PDE12: variants seen among roughly 807,000 people sequenced by gnomAD.
PDE12 encodes the protein phosphodiesterase 12.
PDE12 carries 26 observed loss-of-function variants against 45.4 expected under a neutral mutation model. The observed-to-expected ratio is 0.57, with a 90% CI of 0.42 to 0.79. PDE12 has a LOEUF of 0.79. PDE12 is among the 30% of genes least tolerant of loss of function. The pLI is 0.00. For synonymous variants in PDE12, 283 were observed against 323.9 expected (o/e 0.87, Z 1.36); for missense variants, 668 against 790.0 (o/e 0.85, Z 1.85).
In PDE12 at chr3:57,559,682, C is replaced by G. The variant is rs199851844; in HGVS notation, c.1508C>G (p.Thr503Arg). The part of the protein sequence containing the change: ...FCGDFNSTPS[T>R]GMYHFVINGS... ...GGGGACTTTAATAGTACACCATCAACAGGAATGTATCATTTTGTCATCAAT... is the reference window on the plus strand; with the variant it reads ...GGGGACTTTAATAGTACACCATCAAGAGGAATGTATCATTTTGTCATCAAT... The change falls in exon 3 of 3, where the codon ACA becomes AGA. Residue 503 changes from threonine to arginine, a missense_variant. Coordinates refer to ENST00000311180, the MANE Select transcript of PDE12 (RefSeq NM_177966.7). 152 of 1,614,162 alleles carry G rather than the reference C, an allele frequency of 9.4e-5. No individual in the cohort carries two copies. In the East Asian group the frequency reaches 3.3e-3, roughly 35 times the overall value.
At chr3:57,584,039 A>T in the PDE12 span, 1 of 1,374,046 alleles carries the variant, frequency 7.3e-7, no homozygotes, top group South Asian at 1.2e-5. Flanking sequence ...ACCGCTGTGC[A>T]GCGTCATTAA....
the PDE12 span, chr3:57,634,454 A>G: frequency 2.0e-6 from 1 of 488,650 alleles, no homozygotes; most frequent in Non-Finnish European, 3.2e-6. Context: ...AAAAAAAAGG[A>G]GAGATCCTAT....
the PDE12 span, among the ~76,000 whole-genome samples, chr3:57,607,820 A>T: frequency 3.3e-5 from 5 of 152,174 alleles, no homozygotes; most frequent in Non-Finnish European, 5.9e-5. Context: ...TCTAAAGGAT[A>T]TTATCCAGGA....
the PDE12 span, chr3:57,641,532 C>T: frequency 9.5e-5 from 65 of 685,334 alleles, no homozygotes; most frequent in African/African-American, 1.0e-3. Context: ...GGAAATTATA[C>T]CCTTCTCCAA....
the PDE12 span, among the ~76,000 whole-genome samples, chr3:57,637,012 G>A: frequency 4.9e-3 from 740 of 150,850 alleles, 5 homozygotes; most frequent in African/African-American, 0.017. Flanking sequence ...AAATACAGAA[G>A]CATGAACATG....
At chr3:57,652,629 C>A in the PDE12 span, among the ~76,000 whole-genome samples, 3 of 152,110 alleles carry the variant, frequency 2.0e-5, no homozygotes, top group African/African-American at 7.2e-5. Flanking sequence ...CCAAAAATAC[C>A]TAATTACAAA....
At chr3:57,606,094 C>T in the PDE12 span, among the ~76,000 whole-genome samples, 3 of 152,114 alleles carry the variant, frequency 2.0e-5, no homozygotes, top group African/African-American at 4.8e-5. Flanking sequence ...ACCAATGACC[C>T]ACATTTTCCC....
At chr3:57,607,528 T>C in the PDE12 span, among the ~76,000 whole-genome samples, 2 of 151,864 alleles carry the variant, frequency 1.3e-5, no homozygotes, top group Non-Finnish European at 2.9e-5. Context: ...GAATAACCAG[T>C]GTAGAGAAGT....
At chr3:57,629,877 G>GA in the PDE12 span, among the ~76,000 whole-genome samples, 1 of 152,096 alleles carries the variant, frequency 6.6e-6, no homozygotes, top group East Asian at 1.9e-4. Context: ...ACATCATACA[G>GA]AAAAAGATGT....
the PDE12 span, among the ~76,000 whole-genome samples, chr3:57,629,154 C>T: frequency 6.6e-6 from 1 of 152,126 alleles, no homozygotes; most frequent in Non-Finnish European, 1.5e-5. Flanking sequence ...GCAAGAAAAA[C>T]AAAATTGCAG....
chr3:57,645,317 C>T, the PDE12 span, among the ~76,000 whole-genome samples: 12 of 151,940 alleles, frequency 7.9e-5, no homozygotes, highest in Admixed American at 3.3e-4. Flanking sequence ...AAAAATTAGC[C>T]GGGCGTGGTG....
chr3:57,654,517 G>A, the PDE12 span: 74 of 592,894 alleles, frequency 1.2e-4, no homozygotes, highest in South Asian at 3.0e-4. Context: ...CAGGTGGCAG[G>A]AGGTGATAAC....
At chr3:57,585,805 G>A in the PDE12 span, among the ~76,000 whole-genome samples, 5 of 151,886 alleles carry the variant, frequency 3.3e-5, no homozygotes, top group Non-Finnish European at 7.4e-5. Context: ...TGGGATTACA[G>A]GTGCGTGCCA....
At chr3:57,634,627 G>C in the PDE12 span, 1 of 1,487,000 alleles carries the variant, frequency 6.7e-7, no homozygotes, top group Non-Finnish European at 9.0e-7. Flanking sequence ...AAACTCCTAA[G>C]AGCAAAGAAA....
At position 57,565,958 on chromosome 3, in the gene PDE12, G is replaced by GT. The variant is rs2069783045; in HGVS notation, c.*5955dup. 1 of 152,114 alleles carries GT rather than the reference G, an allele frequency of 6.6e-6. No homozygotes were observed. Among genetic ancestry groups the GT allele is most frequent in the Admixed American group, 6.6e-5 (1 of 15,256 alleles). 9.4% of individuals were successfully genotyped at this position (152,114 alleles called of 1,614,324 possible). ...GAAAAGCTGGGCTATAGTGTTTTGG[G>GT]TATCTTAAACCAAGAAAGGGTATTT... On this transcript the variant is annotated 3_prime_UTR_variant, in exon 3 of 3. Coordinates refer to ENST00000311180, the MANE Select transcript of PDE12 (RefSeq NM_177966.7).
At chr3:57,611,762 T>C in the PDE12 span, among the ~76,000 whole-genome samples, 16 of 152,048 alleles carry the variant, frequency 1.1e-4, no homozygotes, top group Admixed American at 9.8e-4. Flanking sequence ...TGTGGAGAAA[T>C]AGGAACACTT....
chr3:57,645,847 C>T, the PDE12 span: 1 of 828,942 alleles, frequency 1.2e-6, no homozygotes, highest in South Asian at 1.7e-5. Context: ...ACGGTATACA[C>T]ACAAAGGGAT....
Position 57,556,782 on chromosome 3 carries a change from G to A in PDE12, c.403G>A (p.Asp135Asn). Residue 135 changes from aspartate to asparagine, a missense_variant, in exon 1 of 3, where the codon GAC becomes AAC. This residue lies in a region of PDE12 where 580 missense variants were observed against 662.9 expected (regional missense o/e 0.87). Coordinates refer to ENST00000311180, the MANE Select transcript of PDE12 (RefSeq NM_177966.7). This position sits in a 1 kb window ranked among gnomAD's most constrained non-coding sequence, Gnocchi z 5.0. ...LYYREEAVAEDVLNVDAWQDG... is the reference protein window; with the variant it reads ...LYYREEAVAENVLNVDAWQDG... The stretch of plus-strand genomic sequence containing the variant: ...CTACCGGGAAGAGGCAGTGGCTGAG[G>A]ACGTGCTCAACGTGGATGCCTGGCA... The A allele has an allele frequency of 1.9e-6, 3 of 1,611,192 alleles. No homozygotes were observed. Among genetic ancestry groups the A allele is most frequent in the East Asian group, 4.5e-5 (2 of 44,820 alleles).
the PDE12 span, among the ~76,000 whole-genome samples, chr3:57,593,711 T>C: frequency 2.0e-5 from 3 of 152,180 alleles, no homozygotes; most frequent in African/African-American, 7.2e-5. Flanking sequence ...TTACATCTTA[T>C]CATGGATCAA....
Sources: gnomAD v4.1 joint callset for allele counts (sites outside exome capture counted in the v4.1 genomes callset) on GRCh38, gnomAD v4.1.1 for gene constraint, gnomAD v4.1.1 regional missense constraint, Gnocchi (gnomAD v3.1) non-coding constraint, MANE v1.5 for transcripts, NCBI Gene and HGNC (gene_info 2026-07-23, HGNC 2026-07-21) for gene names.